DIAPH3: variants seen among roughly 807,000 people sequenced by gnomAD.
DIAPH3 encodes diaphanous related formin 3, also known as protein diaphanous homolog 3.
A neutral mutation model predicts 144.3 loss-of-function variants in DIAPH3; 117 were observed. That is an observed-to-expected ratio of 0.81 (90% CI 0.70 to 0.95). DIAPH3 has a LOEUF of 0.95. Ranked by LOEUF, DIAPH3 falls within the 40% of genes least tolerant of loss-of-function variation. The probability of loss-of-function intolerance (pLI) is 0.00; values close to 1 mark genes in which losing one functional copy is unlikely to be tolerated. For synonymous variants in DIAPH3, 519 were observed against 488.9 expected (o/e 1.06, Z -0.81); for missense variants, 1,421 against 1,412.7 (o/e 1.01, Z -0.09).
intron 27 of DIAPH3, among the ~76,000 whole-genome samples, chr13:59,715,877 A>AT (rs35136683): frequency 0.012 from 1,856 of 152,162 alleles, 13 homozygotes; most frequent in South Asian, 0.022. Context: ...CAGATAAAAC[A>AT]TTTTTTTTAA....
intron 27 of DIAPH3, among the ~76,000 whole-genome samples, chr13:59,761,404 A>G (rs2037577773): frequency 6.6e-6 from 1 of 152,204 alleles, no homozygotes; most frequent in Non-Finnish European, 1.5e-5. Flanking sequence ...TTTACACACT[A>G]CCAGAAGGGT....
intron 17 of DIAPH3, among the ~76,000 whole-genome samples, chr13:59,949,000 C>A (rs575972430): frequency 7.9e-5 from 12 of 151,906 alleles, no homozygotes; most frequent in Non-Finnish European, 1.8e-4. Flanking sequence ...TAGAAAAGTG[C>A]CACAATAAAC....
chr13:60,140,585 T>A (rs73534947), intron 1 of DIAPH3, among the ~76,000 whole-genome samples: 1 of 152,200 alleles, frequency 6.6e-6, no homozygotes, highest in African/African-American at 2.4e-5. Flanking sequence ...TACATATATA[T>A]GGAAAAAATA....
At chr13:59,896,039 T>A (rs2046074841) in intron 20 of DIAPH3, among the ~76,000 whole-genome samples, 2 of 152,224 alleles carry the variant, frequency 1.3e-5, no homozygotes. Flanking sequence ...TGCCAATATA[T>A]CAAGAACTCT....
chr13:59,739,293 C>T (rs1290246002), intron 27 of DIAPH3, among the ~76,000 whole-genome samples: 2 of 152,178 alleles, frequency 1.3e-5, no homozygotes, highest in Non-Finnish European at 1.5e-5. Flanking sequence ...CATCCTAATA[C>T]TGAACTGTTG....
intron 27 of DIAPH3, among the ~76,000 whole-genome samples, chr13:59,752,888 T>C (rs2037081914): frequency 6.6e-6 from 1 of 152,236 alleles, no homozygotes; most frequent in South Asian, 2.1e-4. Context: ...TGTCTGAATA[T>C]ATACATGTAA....
intron 1 of DIAPH3, among the ~76,000 whole-genome samples, chr13:60,138,777 GAGA>G (rs2059356216): frequency 2.1e-5 from 1 of 46,838 alleles, no homozygotes; most frequent in African/African-American, 6.6e-5. Context: ...GAAGGAGAAG[GAGA>G]AGAAGGGGAA....
chr13:59,750,490 T>G (rs2036949558), intron 27 of DIAPH3, among the ~76,000 whole-genome samples: 1 of 152,258 alleles, frequency 6.6e-6, no homozygotes, highest in Admixed American at 6.5e-5. Flanking sequence ...TGAAAGATCA[T>G]GCAATTGGTA....
intron 25 of DIAPH3, among the ~76,000 whole-genome samples, chr13:59,810,172 T>A (rs951625091): frequency 2.6e-5 from 4 of 152,132 alleles, no homozygotes; most frequent in South Asian, 4.1e-4. Flanking sequence ...TTTTTGTTGT[T>A]TTTTTGAAAC....
intron 20 of DIAPH3, among the ~76,000 whole-genome samples, chr13:59,896,036 A>T (rs893951678): frequency 6.6e-6 from 1 of 152,202 alleles, no homozygotes; most frequent in African/African-American, 2.4e-5. Context: ...CTTTGCCAAT[A>T]TATCAAGAAC....
At chr13:59,784,544 T>G (rs2038927601) in intron 25 of DIAPH3, among the ~76,000 whole-genome samples, 1 of 151,836 alleles carries the variant, frequency 6.6e-6, no homozygotes, top group African/African-American at 2.4e-5. Flanking sequence ...CCTGACTAAT[T>G]TTTTGTATTT....
chr13:59,985,060 G>A (rs1378902964), intron 12 of DIAPH3, among the ~76,000 whole-genome samples: 1 of 137,706 alleles, frequency 7.3e-6, no homozygotes, highest in Non-Finnish European at 1.6e-5. Context: ...GAACATTGAT[G>A]CAAAACTCCT....
chr13:59,929,074 T>A (rs568802789), intron 17 of DIAPH3, among the ~76,000 whole-genome samples: 19 of 152,266 alleles, frequency 1.2e-4, no homozygotes, highest in African/African-American at 4.1e-4. Flanking sequence ...ACTTTGAGTA[T>A]CAAGATGACA....
intron 1 of DIAPH3, among the ~76,000 whole-genome samples, chr13:60,159,900 A>C (rs1952205321): frequency 6.6e-6 from 1 of 152,188 alleles, no homozygotes; most frequent in African/African-American, 2.4e-5. Flanking sequence ...CAAACATGGT[A>C]AATATACAGA....
At chr13:60,124,286 G>C (rs2058926885) in intron 2 of DIAPH3, among the ~76,000 whole-genome samples, 3 of 152,166 alleles carry the variant, frequency 2.0e-5, no homozygotes, top group South Asian at 2.1e-4. Context: ...CGGGAACTTT[G>C]AGGAGAACAA....
At chr13:59,771,273 T>C (rs2038103625) in intron 27 of DIAPH3, among the ~76,000 whole-genome samples, 1 of 152,076 alleles carries the variant, frequency 6.6e-6, no homozygotes, top group Non-Finnish European at 1.5e-5. Context: ...AAAATTAAAA[T>C]TGCAGCTAAT....
rs552402488 is a variant in DIAPH3 at position 59,839,828 on chromosome 13, T to C, written c.2738-380A>G. On this transcript the variant is annotated intron_variant, in intron 22 of 27. Coordinates refer to ENST00000400324, the MANE Select transcript of DIAPH3 (RefSeq NM_001042517.2). Reference sequence around the variant, plus strand: ...ATAATTTGAACATTTTTCAAAATCATCTCTTGACAGGGAACAGTGAGTAGA... The same window carrying C: ...ATAATTTGAACATTTTTCAAAATCACCTCTTGACAGGGAACAGTGAGTAGA... Among the ~76,000 whole-genome samples, 10 of 152,306 alleles carry C rather than the reference T, an allele frequency of 6.6e-5. No individual in the cohort carries two copies. In the South Asian group the frequency reaches 2.1e-3, roughly 32 times the overall value.
intron 27 of DIAPH3, among the ~76,000 whole-genome samples, chr13:59,748,357 T>C (rs752127176): frequency 3.9e-4 from 60 of 152,172 alleles, no homozygotes; most frequent in Non-Finnish European, 8.8e-5. Context: ...TCTCATGCAA[T>C]ACATTGCAAG....
chr13:59,669,925 T>C (rs1379296364), intron 27 of DIAPH3, among the ~76,000 whole-genome samples: 1 of 152,200 alleles, frequency 6.6e-6, no homozygotes, highest in African/African-American at 2.4e-5. Flanking sequence ...CTAATGAACA[T>C]GCATGCTGCC....
Sources: allele counts gnomAD v4.1 joint callset (sites outside exome capture counted in the v4.1 genomes callset), GRCh38; gene constraint gnomAD v4.1.1; transcripts MANE v1.5; gene names NCBI Gene and HGNC (gene_info 2026-07-23, HGNC 2026-07-21).